Variants in IGSF3 observed in about 807,000 individuals in gnomAD.
IGSF3 encodes the protein glu-Trp-Ile EWI motif-containing protein 3.
Under a neutral mutation model 114.4 loss-of-function variants are expected in IGSF3, and 23 were observed. The ratio of observed to expected loss-of-function variants is 0.20; its 90% CI spans 0.14 to 0.28. The LOEUF is 0.28. Among genes scored for constraint, IGSF3 ranks in the 10% least tolerant of loss-of-function variants. The pLI, the probability that IGSF3 is intolerant of heterozygous loss-of-function variation, is 1.00. For missense variants in IGSF3, 1,172 were observed against 1,591.5 expected (o/e 0.74, Z 4.48); for synonymous variants, 571 against 645.2 (o/e 0.88, Z 1.74).
intron 2 of IGSF3, among the ~76,000 whole-genome samples, chr1:116,619,284 C>T (rs1389404649): frequency 6.6e-6 from 1 of 152,194 alleles, no homozygotes; most frequent in Non-Finnish European, 1.5e-5. Context: ...AACCAGAATG[C>T]ATCCTATTTA....
rs1649245251 is a variant in IGSF3, at chr1:116,664,450, T to C, written c.43+1834A>G. Among the ~76,000 whole-genome samples the C allele has an allele frequency of 6.6e-6, 1 of 152,160 alleles. No homozygotes were observed. The highest frequency in any genetic ancestry group is 2.4e-5 in the African/African-American group (1 of 41,448). On this transcript the variant is annotated intron_variant, in intron 2 of 10. Transcript: ENST00000369486. This position sits in a 1 kb window ranked among gnomAD's most constrained non-coding sequence, Gnocchi z 4.6. ...GGCACAAATGTCACATTGCCTTGTT[T>C]TCCCATTGATGGTTACTTCTCCTGC...
rs184909582 is a variant in IGSF3 at position 116,654,115 on chromosome 1, T to C, written c.43+12169A>G. On this transcript the variant is annotated intron_variant, in intron 2 of 10. Transcript: ENST00000369486. The surrounding 1 kb of genome is among the most constrained non-coding windows in gnomAD (Gnocchi z 4.4). ...TCACACTAACAAACATGTCCATCTATGTGAAGCAGAATTCCCAACACACCA... is the reference window on the plus strand; with the variant it reads ...TCACACTAACAAACATGTCCATCTACGTGAAGCAGAATTCCCAACACACCA... 8.5e-5 allele frequency among the ~76,000 whole-genome samples: 13 copies of C among 152,340 alleles called. No homozygotes were observed. Among genetic ancestry groups the C allele is most frequent in the Non-Finnish European group, 1.3e-4 (9 of 68,028 alleles).
rs761336924 is a variant in IGSF3, at chr1:116,584,589, T to A, written c.2848+56A>T. ...TAATTTTATCCAGTGCATAAAACAG[T>A]ATACTTAAATGGGAAACACCAGAGG... is the stretch of plus-strand genomic sequence containing the variant. On this transcript the variant is annotated intron_variant, in intron 9 of 10. Coordinates refer to ENST00000369486, the MANE Select transcript of IGSF3 (RefSeq NM_001007237.3). This position sits in a 1 kb window ranked among gnomAD's most constrained non-coding sequence, Gnocchi z 5.8. 6.5e-7 allele frequency: 1 copy of A among 1,546,128 alleles called. No homozygotes were observed. The highest frequency in any genetic ancestry group is 8.9e-7 in the Non-Finnish European group (1 of 1,119,732).
rs1248108993 is a variant in IGSF3, at chr1:116,595,020, G to A, written c.2029+4921C>T. Among the ~76,000 whole-genome samples, 7 of 152,126 alleles carry A rather than the reference G, an allele frequency of 4.6e-5. No homozygotes were observed. The highest frequency in any genetic ancestry group is 6.5e-5 in the Admixed American group (1 of 15,270). ...CCCACAGAGCCCGCAAGGCAGGAACGTGACACACCCATCTCAGCAGCCTCA... is the reference window on the plus strand; with the variant it reads ...CCCACAGAGCCCGCAAGGCAGGAACATGACACACCCATCTCAGCAGCCTCA... On this transcript the variant is annotated intron_variant, in intron 7 of 10. Transcript: ENST00000369486. This position sits in a 1 kb window ranked among gnomAD's most constrained non-coding sequence, Gnocchi z 4.2.
chr1:116,638,834 G>C lies in IGSF3; in HGVS notation c.44-22377C>G, dbSNP rs1252582744. On this transcript the variant is annotated intron_variant, in intron 2 of 10. Transcript: ENST00000369486. The surrounding 1 kb of genome is among the most constrained non-coding windows in gnomAD (Gnocchi z 4.1). ...TTTAACCCTCACAACTACAACAGGA[G>C]GTGGGTACCATTCCATCCCCACCTG... 6.6e-6 allele frequency among the ~76,000 whole-genome samples: 1 copy of C among 152,186 alleles called. No individual in the cohort carries two copies. Among genetic ancestry groups the C allele is most frequent in the Non-Finnish European group, 1.5e-5 (1 of 68,028 alleles).
intron 6 of IGSF3, among the ~76,000 whole-genome samples, chr1:116,602,918 G>T (rs1302606230): frequency 6.6e-6 from 1 of 152,210 alleles, no homozygotes; most frequent in Non-Finnish European, 1.5e-5. Context: ...AAATCTCAAG[G>T]TATCTTTTCA....
At chr1:116,609,400 GT>G (rs1660925986) in intron 4 of IGSF3, among the ~76,000 whole-genome samples, 1 of 151,936 alleles carries the variant, frequency 6.6e-6, no homozygotes, top group African/African-American at 2.4e-5. Context: ...GCTAATTTTT[GT>G]TGAGTTGGGT....
rs116704128 is a variant in IGSF3, at chr1:116,598,589, C to G, written c.2029+1352G>C. ...TTATTTAACCTCACGTTGCTGAAAA[C>G]GACACTGTGGCCACCTAAAGCAGTC... is the stretch of plus-strand genomic sequence containing the variant. On this transcript the variant is annotated intron_variant, in intron 7 of 10. Coordinates refer to ENST00000369486, the MANE Select transcript of IGSF3 (RefSeq NM_001007237.3). This position sits in a 1 kb window ranked among gnomAD's most constrained non-coding sequence, Gnocchi z 4.3. Among the ~76,000 whole-genome samples, 1 of 152,172 alleles carries G rather than the reference C, an allele frequency of 6.6e-6. No homozygotes were observed. Among genetic ancestry groups the G allele is most frequent in the Non-Finnish European group, 1.5e-5 (1 of 68,032 alleles).
In IGSF3 at chr1:116,667,547, C is replaced by T. The variant is rs1173464845; in HGVS notation, c.-631+71G>A. 4.6e-5 allele frequency: 7 copies of T among 151,164 alleles called. No individual in the cohort carries two copies. In the Middle Eastern group the frequency reaches 0.01, roughly 223 times the overall value. The allele number at this position is 151,164 out of a possible 1,614,324, so 9.4% of individuals were successfully genotyped here. A position where few individuals can be genotyped will look rare whatever the true frequency, so the allele number is the denominator to read the frequency against. On this transcript the variant is annotated intron_variant, in intron 1 of 10. Transcript: ENST00000369486. Reference sequence around the variant, plus strand: ...TCCCCACTCCCCGCTCCCCGCTCCCCGCTCCACGCCTCCCCGCCTCCCTCC... The same window carrying T: ...TCCCCACTCCCCGCTCCCCGCTCCCTGCTCCACGCCTCCCCGCCTCCCTCC...
At position 116,600,183 on chromosome 1, in the gene IGSF3, A is replaced by G; in HGVS notation, c.1787T>C (p.Val596Ala). 6.2e-7 allele frequency: 1 copy of G among 1,614,144 alleles called. No homozygotes were observed. Among genetic ancestry groups the G allele is most frequent in the Non-Finnish European group, 8.5e-7 (1 of 1,180,020 alleles). ...GACCCCTCCGTCCCGGGTGAAGGTC[A>G]CCAAGTCATGGAACTCCACCGTGCC... ...PVGTVEFHDL[V>A]TFTRDGGVQW... The change falls in exon 7 of 11, where the codon GTG becomes GCG. Residue 596 changes from valine (V) to alanine (A), a missense_variant. By Grantham distance (64) the Val-to-Ala change is moderately conservative (BLOSUM62 0). This residue lies in a region of IGSF3 where 736 missense variants were observed against 1,042.0 expected (regional missense o/e 0.71). Coordinates refer to ENST00000369486, the MANE Select transcript of IGSF3 (RefSeq NM_001007237.3). This position sits in a 1 kb window ranked among gnomAD's most constrained non-coding sequence, Gnocchi z 5.5.
rs1159036998 is a variant in IGSF3 at position 116,629,049 on chromosome 1, AG to A, written c.44-12593del. On this transcript the variant is annotated intron_variant, in intron 2 of 10. Transcript: ENST00000369486. This position sits in a 1 kb window ranked among gnomAD's most constrained non-coding sequence, Gnocchi z 4.3. ...GCTGGAGAGTTCAGGGACTTCCAAAAGAAGGTACAAGAATGAGCACTATACC... is the reference window on the plus strand; with the variant it reads ...GCTGGAGAGTTCAGGGACTTCCAAAAAAGGTACAAGAATGAGCACTATACC... 6.6e-6 allele frequency among the ~76,000 whole-genome samples: 1 copy of A among 152,228 alleles called. No homozygotes were observed. Among genetic ancestry groups the A allele is most frequent in the African/African-American group, 2.4e-5 (1 of 41,462 alleles).
At position 116,584,578 on chromosome 1, in the gene IGSF3, G is replaced by T. The variant is rs775413810; in HGVS notation, c.2848+67C>A. ...TATTAATAAACTAATTTTATCCAGTGCATAAAACAGTATACTTAAATGGGA... is the reference window on the plus strand; with the variant it reads ...TATTAATAAACTAATTTTATCCAGTTCATAAAACAGTATACTTAAATGGGA... On this transcript the variant is annotated intron_variant, in intron 9 of 10. Coordinates refer to ENST00000369486, the MANE Select transcript of IGSF3 (RefSeq NM_001007237.3). The surrounding 1 kb of genome is among the most constrained non-coding windows in gnomAD (Gnocchi z 5.8). 3.4e-6 allele frequency: 5 copies of T among 1,456,080 alleles called. No individual in the cohort carries two copies. The highest frequency in any genetic ancestry group is 4.8e-6 in the Non-Finnish European group (5 of 1,040,984). The allele number at this position is 1,456,080 out of a possible 1,614,324, so 90.2% of individuals were successfully genotyped here.
In IGSF3 at chr1:116,624,806, T is replaced by A. The variant is rs1661525722; in HGVS notation, c.44-8349A>T. On this transcript the variant is annotated intron_variant, in intron 2 of 10. Coordinates refer to ENST00000369486, the MANE Select transcript of IGSF3 (RefSeq NM_001007237.3). The surrounding 1 kb of genome is among the most constrained non-coding windows in gnomAD (Gnocchi z 4.9). ...CACCACATAAGACAGCCAACGGTCC[T>A]GAGGCCATGCTGTGAGGGGGCCCAA... 6.6e-6 allele frequency among the ~76,000 whole-genome samples: 1 copy of A among 152,238 alleles called. No homozygotes were observed. Among genetic ancestry groups the A allele is most frequent in the African/African-American group, 2.4e-5 (1 of 41,460 alleles).
chr1:116,658,339 C>A (rs1265208619), intron 2 of IGSF3, among the ~76,000 whole-genome samples: 1 of 152,150 alleles, frequency 6.6e-6, no homozygotes, highest in Non-Finnish European at 1.5e-5. Flanking sequence ...CACGCCTGGC[C>A]TGATTATGTT....
Position 116,636,646 on chromosome 1 carries a change from GC to G in IGSF3, c.44-20190del, listed in dbSNP as rs1477442177. 6.6e-6 allele frequency among the ~76,000 whole-genome samples: 1 copy of G among 152,122 alleles called. No homozygotes were observed. Among genetic ancestry groups the G allele is most frequent in the African/African-American group, 2.4e-5 (1 of 41,428 alleles). ...CTACACCAGGAGCGAGGCCTGAAAA[GC>G]TGCATGACTCACCCAAGGTCACGAG... On this transcript the variant is annotated intron_variant, in intron 2 of 10. Coordinates refer to ENST00000369486, the MANE Select transcript of IGSF3 (RefSeq NM_001007237.3). The surrounding 1 kb of genome is among the most constrained non-coding windows in gnomAD (Gnocchi z 4.5).
In IGSF3 at chr1:116,616,718, G is replaced by A. The variant is rs1318153622; in HGVS notation, c.44-261C>T. ...TTACTTATTCAACAGCTGACCCTTGGGAATTTCATTTAGCCCCTCTGTTTG... is the reference window on the plus strand; with the variant it reads ...TTACTTATTCAACAGCTGACCCTTGAGAATTTCATTTAGCCCCTCTGTTTG... On this transcript the variant is annotated intron_variant, in intron 2 of 10. Coordinates refer to ENST00000369486, the MANE Select transcript of IGSF3 (RefSeq NM_001007237.3). This position sits in a 1 kb window ranked among gnomAD's most constrained non-coding sequence, Gnocchi z 6.6. Among the ~76,000 whole-genome samples, 1 of 152,058 alleles carries A rather than the reference G, an allele frequency of 6.6e-6. No homozygotes were observed. Among genetic ancestry groups the A allele is most frequent in the Non-Finnish European group, 1.5e-5 (1 of 68,014 alleles).
rs767866396 is a variant in IGSF3 at position 116,603,876 on chromosome 1, T to C, written c.1372A>G (p.Ser458Gly). The C allele has an allele frequency of 6.2e-7, 1 of 1,613,866 alleles. No individual in the cohort carries two copies. Among genetic ancestry groups the C allele is most frequent in the Non-Finnish European group, 8.5e-7 (1 of 1,179,932 alleles). The change falls in exon 6 of 11, where the codon AGC becomes GGC. Residue 458 changes from serine (S) to glycine (G), a missense_variant. Transcript: ENST00000369486. The surrounding 1 kb of genome is among the most constrained non-coding windows in gnomAD (Gnocchi z 7.1). The stretch of plus-strand genomic sequence containing the variant: ...TCCCGGTCTAGCCACATGATATTGC[T>C]GCGGCGGTTCTGCCTGTCCACAAGC... ...WQLVDRQNRRSNIMWLDRDGT... is the reference protein window; with the variant it reads ...WQLVDRQNRRGNIMWLDRDGT...
Position 116,575,102 on chromosome 1 carries a change from G to A in IGSF3, c.*2210C>T, listed in dbSNP as rs532616265. On this transcript the variant is annotated 3_prime_UTR_variant, in exon 11 of 11. Transcript: ENST00000369486. The surrounding 1 kb of genome is among the most constrained non-coding windows in gnomAD (Gnocchi z 5.6). ...ACATCCTAGTCCCAGCCAGCGCTCT[G>A]GCAACCTCCCATTTAGACAGAGGAA... 12 of 152,600 alleles carry A rather than the reference G, an allele frequency of 7.9e-5. 1 individual carries two copies. Among genetic ancestry groups the A allele is most frequent in the African/African-American group, 2.9e-4 (12 of 41,508 alleles). The allele number at this position is 152,600 out of a possible 1,614,324, so 9.5% of individuals were successfully genotyped here.
intron 7 of IGSF3, among the ~76,000 whole-genome samples, chr1:116,599,635 C>CGT (rs1557864040): frequency 6.6e-6 from 1 of 152,164 alleles, no homozygotes; most frequent in Admixed American, 6.5e-5. Flanking sequence ...TTAGGAGTTA[C>CGT]ATGCTGAAGT....
Sources: allele counts gnomAD v4.1 joint callset (sites outside exome capture counted in the v4.1 genomes callset), GRCh38; gene constraint gnomAD v4.1.1; regional missense constraint gnomAD v4.1.1; non-coding constraint Gnocchi (gnomAD v3.1); transcripts MANE v1.5; gene names NCBI Gene and HGNC (gene_info 2026-07-23, HGNC 2026-07-21).